The following FMO3 variants were observed in gnomAD, a reference collection of about 807,000 sequenced individuals.
FMO3 encodes the protein flavin containing dimethylaniline monoxygenase 3, also known as flavin-containing monooxygenase 3.
FMO3 carries 40 observed loss-of-function variants against 39.4 expected under a neutral mutation model. That is an observed-to-expected ratio of 1.02 (90% CI 0.79 to 1.32). The LOEUF is 1.32. FMO3 is among the 40% of genes most tolerant of loss of function. The pLI is 0.00. For synonymous variants in FMO3, 219 were observed against 228.8 expected, an observed-to-expected ratio of 0.96 and a Z score of 0.39; for missense variants, 680 against 651.8, an observed-to-expected ratio of 1.04 and a Z score of -0.47.
chr1:171,092,641 G>A lies in FMO3; in HGVS notation c.-6-12G>A, dbSNP rs1266177042. 1 of 1,613,886 alleles carries A rather than the reference G, an allele frequency of 6.2e-7. No homozygotes were observed. Among genetic ancestry groups the A allele is most frequent in the East Asian group, 2.2e-5 (1 of 44,896 alleles). ...TGTTGTTACTGGAAATGTTCTCTGG[G>A]CCTTTGCACAGGTTACCATGGGGAA... On this transcript the variant is annotated splice_polypyrimidine_tract_variant and intron_variant, in intron 1 of 8. Coordinates refer to ENST00000367755, the MANE Select transcript of FMO3 (RefSeq NM_001002294.3).
At chr1:171,091,591 T>TC (rs35525949) in intron 1 of FMO3, among the ~76,000 whole-genome samples, 89,179 of 149,176 alleles carry the variant, frequency 0.6, 27,254 homozygotes, top group African/African-American at 0.75. Flanking sequence ...ATGACTTCTT[T>TC]CCCCAACACC....
intron 5 of FMO3, 129 bp from the exon 6 acceptor site, chr1:171,110,669 A>G: frequency 1.2e-6 from 1 of 837,798 alleles, no homozygotes. Context: ...GACAGCTGAG[A>G]GATGTCTTCT....
intron 3 of FMO3, 125 bp downstream of exon 3, chr1:171,104,098 T>C: frequency 1.3e-6 from 1 of 763,002 alleles, no homozygotes; most frequent in Non-Finnish European, 2.2e-6. Flanking sequence ...CAGTGTGGCC[T>C]CTCTAACTCT....
intron 2 of FMO3, chr1:171,099,983 C>T (rs916497686): frequency 1.3e-5 from 2 of 151,906 alleles, no homozygotes; most frequent in African/African-American, 2.4e-5. Flanking sequence ...TGGGGTTTCG[C>T]CATGTTGGCC....
intron 2 of FMO3, chr1:171,100,216 CT>C (rs1403201092): frequency 6.6e-6 from 1 of 152,184 alleles, no homozygotes; most frequent in Non-Finnish European, 1.5e-5. Flanking sequence ...GCTAATTTGT[CT>C]TTTCTTGCTG....
chr1:171,094,237 T>C (rs977070402), intron 2 of FMO3, among the ~76,000 whole-genome samples: 2 of 152,166 alleles, frequency 1.3e-5, no homozygotes, highest in African/African-American at 4.8e-5. Flanking sequence ...TTTTCCCATA[T>C]GTTTATTGGC....
intron 5 of FMO3, 35 bp from the exon 6 acceptor site, chr1:171,110,763 T>C: frequency 6.3e-7 from 1 of 1,589,700 alleles, no homozygotes; most frequent in Non-Finnish European, 8.6e-7. Context: ...CTACAAATGG[T>C]CACTAATTTC....
chr1:171,113,619 G>T (rs12073562), intron 6 of FMO3, among the ~76,000 whole-genome samples: 1,856 of 152,228 alleles, frequency 0.012, 43 homozygotes, highest in African/African-American at 0.043. Context: ...GAGACACCAA[G>T]AATTTAAAAA....
intron 2 of FMO3, chr1:171,100,016 A>C (rs1920137): frequency 0.49 from 73,853 of 151,874 alleles, 18,083 homozygotes; most frequent in African/African-American, 0.52. Context: ...AACTCCTGAC[A>C]TCAGGTGATA....
At chr1:171,101,621 T>G in intron 2 of FMO3, 1 of 464,358 alleles carries the variant, frequency 2.2e-6, no homozygotes, top group South Asian at 1.6e-5. Flanking sequence ...TAGTTGAAAC[T>G]GTTGGAGCTG....
intron 2 of FMO3, among the ~76,000 whole-genome samples, chr1:171,095,241 G>T (rs1020400374): frequency 2.6e-5 from 4 of 152,112 alleles, no homozygotes; most frequent in African/African-American, 9.7e-5. Context: ...AAAGTTTCAG[G>T]TGCTGACTTT....
rs1002728837 is a variant in FMO3, at chr1:171,117,598, G to A, written c.*156G>A. ...GTCAGTAATACAGTGTTATTTCTAG[G>A]CTCTGAAATAGCCACTTTAAGAATC... On this transcript the variant is annotated 3_prime_UTR_variant, in exon 9 of 9. Coordinates refer to ENST00000367755, the MANE Select transcript of FMO3 (RefSeq NM_001002294.3). 2.3e-5 allele frequency: 14 copies of A among 597,316 alleles called. No individual in the cohort carries two copies. The highest frequency in any genetic ancestry group is 3.1e-5 in the Admixed American group (1 of 32,254). 37.0% of individuals were successfully genotyped at this position (597,316 alleles called of 1,614,324 possible). A position where few individuals can be genotyped will look rare whatever the true frequency, so the allele number is the denominator to read the frequency against.
chr1:171,115,969 ATATC>A (rs1370468835), intron 7 of FMO3, among the ~76,000 whole-genome samples: 1 of 152,232 alleles, frequency 6.6e-6, no homozygotes, highest in Non-Finnish European at 1.5e-5. Context: ...AGATTAAAAT[ATATC>A]TATGAAACTG....
intron 2 of FMO3, among the ~76,000 whole-genome samples, chr1:171,096,204 TATA>T (rs1360320164): frequency 1.8e-4 from 15 of 85,524 alleles, no homozygotes; most frequent in East Asian, 3.6e-4. Flanking sequence ...TTTATATCAA[TATA>T]ATATTTATAT....
intron 2 of FMO3, chr1:171,101,622 G>C (rs544771741): frequency 6.5e-6 from 3 of 464,394 alleles, no homozygotes; most frequent in Non-Finnish European, 1.3e-5. Flanking sequence ...AGTTGAAACT[G>C]TTGGAGCTGT....
chr1:171,097,006 G>T (rs977494049), intron 2 of FMO3, among the ~76,000 whole-genome samples: 3 of 147,366 alleles, frequency 2.0e-5, no homozygotes, highest in Admixed American at 1.4e-4. Context: ...TGTTCTCATT[G>T]TTCAATTCCC....
intron 5 of FMO3, among the ~76,000 whole-genome samples, chr1:171,108,806 T>A (rs1252059725): frequency 6.6e-6 from 1 of 151,988 alleles, no homozygotes. Flanking sequence ...GAGCTGCCAC[T>A]GGAAAAAAAG....
At chr1:171,110,695 A>G in intron 5 of FMO3, 103 bp from the exon 6 acceptor site, 1 of 1,063,762 alleles carries the variant, frequency 9.4e-7, no homozygotes, top group South Asian at 1.3e-5. Flanking sequence ...CACTTTCTGC[A>G]GCTGGGGTAA....
At position 171,096,671 on chromosome 1, in the gene FMO3, T is replaced by C. The variant is rs1435001222; in HGVS notation, c.132+3881T>C. Reference sequence around the variant, plus strand: ...ATATATTTTATATTTAAAATATATATTTTATATTTAAAATATAATTAATAT... The same window carrying C: ...ATATATTTTATATTTAAAATATATACTTTATATTTAAAATATAATTAATAT... On this transcript the variant is annotated intron_variant, in intron 2 of 8. Transcript: ENST00000367755. 2.4e-3 allele frequency among the ~76,000 whole-genome samples: 317 copies of C among 132,984 alleles called. 9 individuals are homozygous for C. Among genetic ancestry groups the C allele is most frequent in the African/African-American group, 8.8e-3 (303 of 34,454 alleles). The allele number at this position is 132,984 out of a possible 152,430, so 87.2% of individuals were successfully genotyped here.
Sources: allele counts gnomAD v4.1 joint callset (sites outside exome capture counted in the v4.1 genomes callset), GRCh38; gene constraint gnomAD v4.1.1; transcripts MANE v1.5; gene names NCBI Gene and HGNC (gene_info 2026-07-23, HGNC 2026-07-21).